The following CDC14B variants were observed in gnomAD, a reference collection of about 807,000 sequenced individuals.
CDC14B encodes cell division cycle 14B.
A neutral mutation model predicts 64.2 loss-of-function variants in CDC14B; 22 were observed. That is an observed-to-expected ratio of 0.34 (90% CI 0.24 to 0.49). CDC14B has a LOEUF of 0.49. CDC14B is among the 20% of genes least tolerant of loss of function. CDC14B has a pLI of 0.99. For synonymous variants in CDC14B, 191 were observed against 215.8 expected (o/e 0.89, Z 1.01); for missense variants, 498 against 629.9 (o/e 0.79, Z 2.24).
chr9:96,499,382 C>T (rs564716657), downstream of CDC14B, among the ~76,000 whole-genome samples: 102 of 152,272 alleles, frequency 6.7e-4, 1 homozygote, highest in Non-Finnish European at 9.0e-4. Flanking sequence ...GGGTCCTGCC[C>T]GGCACCAGAG....
intron 12 of CDC14B, among the ~76,000 whole-genome samples, chr9:96,518,346 C>T (rs553118437): frequency 9.1e-4 from 138 of 152,146 alleles, no homozygotes; most frequent in Non-Finnish European, 1.4e-3. Flanking sequence ...GAAACCCCAT[C>T]TCTACTAAAA....
intron 5 of CDC14B, 30 bp from the exon 6 acceptor site, chr9:96,541,922 CAGTT>C: frequency 6.5e-7 from 1 of 1,539,326 alleles, no homozygotes; most frequent in Non-Finnish European, 8.9e-7. Flanking sequence ...AAATGTAGAT[CAGTT>C]AATTTTCTGC....
intron 11 of CDC14B, 97 bp downstream of exon 11, chr9:96,523,164 T>C: frequency 7.8e-7 from 1 of 1,284,964 alleles, no homozygotes; most frequent in Non-Finnish European, 1.1e-6. Flanking sequence ...ATCCAAGAGC[T>C]GCTTTATTAT....
At chr9:96,522,372 A>G (rs1379227926) in intron 12 of CDC14B, 134 bp downstream of exon 12, 1 of 679,022 alleles carries the variant, frequency 1.5e-6, no homozygotes, top group Non-Finnish European at 2.7e-6. Context: ...TAGGTTTTAA[A>G]TAACATAGGC....
At chr9:96,525,789 T>C (rs767652002) in intron 9 of CDC14B, among the ~76,000 whole-genome samples, 49 of 152,164 alleles carry the variant, frequency 3.2e-4, no homozygotes, top group African/African-American at 1.1e-3. Flanking sequence ...TATACCTGAG[T>C]TGGATGCTAT....
chr9:96,552,822 T>C (rs946045807), intron 4 of CDC14B, among the ~76,000 whole-genome samples: 1 of 151,944 alleles, frequency 6.6e-6, no homozygotes, highest in African/African-American at 2.4e-5. Context: ...GCGGGAGCGG[T>C]GGGAAGGAGA....
rs1018308938 is a variant in CDC14B, at chr9:96,613,097, A to G, written c.160+6122T>C. Among the ~76,000 whole-genome samples the G allele has an allele frequency of 2.0e-5, 3 of 152,226 alleles. No homozygotes were observed. In the South Asian group the frequency reaches 6.2e-4, roughly 31 times the overall value. ...TGGCAACAGTAAAAGTCAGGTAGTC[A>G]TGGCTTTGCCAAAAAGAAACTACAT... On this transcript the variant is annotated intron_variant, in intron 1 of 13. Transcript: ENST00000375241.
chr9:96,525,185 G>C (rs960342884), intron 9 of CDC14B, among the ~76,000 whole-genome samples: 1 of 152,004 alleles, frequency 6.6e-6, no homozygotes, highest in African/African-American at 2.4e-5. Flanking sequence ...GGTGTGGCTG[G>C]ACACTCCCCC....
At chr9:96,524,685 C>T (rs915035042) in intron 9 of CDC14B, among the ~76,000 whole-genome samples, 1 of 152,142 alleles carries the variant, frequency 6.6e-6, no homozygotes, top group Non-Finnish European at 1.5e-5. Flanking sequence ...GCTGAAAAAC[C>T]TGGGCAGAAC....
At chr9:96,618,595 C>T (rs764198595) in intron 1 of CDC14B, 1 of 532,838 alleles carries the variant, frequency 1.9e-6, no homozygotes, top group African/African-American at 1.9e-5. Context: ...TCTCGAGGCC[C>T]CGGCGGGGAG....
intron 1 of CDC14B, among the ~76,000 whole-genome samples, chr9:96,598,448 T>C (rs1172214400): frequency 6.6e-6 from 1 of 152,200 alleles, no homozygotes; most frequent in Non-Finnish European, 1.5e-5. Flanking sequence ...GTCATTCGCC[T>C]GCCTCAGCCT....
At chr9:96,606,276 T>G (rs1846912236) in intron 1 of CDC14B, among the ~76,000 whole-genome samples, 1 of 125,906 alleles carries the variant, frequency 7.9e-6, no homozygotes, top group East Asian at 2.3e-4. Flanking sequence ...GAGGCTGCAG[T>G]GAGCCAAGAT....
chr9:96,611,351 A>G (rs1847310177), intron 1 of CDC14B, among the ~76,000 whole-genome samples: 1 of 152,204 alleles, frequency 6.6e-6, no homozygotes, highest in Admixed American at 6.5e-5. Context: ...AGTTCCTGCG[A>G]ACCAGTCTGT....
intron 9 of CDC14B, among the ~76,000 whole-genome samples, chr9:96,529,977 G>T (rs1397217130): frequency 6.6e-6 from 1 of 152,118 alleles, no homozygotes; most frequent in African/African-American, 2.4e-5. Context: ...GGGCAATACT[G>T]ACATGTTAAC....
intron 1 of CDC14B, among the ~76,000 whole-genome samples, chr9:96,584,284 T>C (rs539207496): frequency 1.7e-4 from 26 of 152,296 alleles, no homozygotes; most frequent in Admixed American, 1.7e-3. Context: ...CTAAACTCCA[T>C]CTACCTCAAG....
intron 13 of CDC14B, among the ~76,000 whole-genome samples, chr9:96,508,325 G>A (rs552769345): frequency 1.3e-5 from 2 of 151,744 alleles, no homozygotes; most frequent in African/African-American, 4.8e-5. Flanking sequence ...CCATACTTCA[G>A]AATTGTTATG....
At chr9:96,564,931 CA>C (rs1843704227) in intron 2 of CDC14B, 79 bp from the exon 3 acceptor site, 4 of 883,414 alleles carry the variant, frequency 4.5e-6, no homozygotes, top group Non-Finnish European at 5.2e-6. Context: ...TCTACAAGAT[CA>C]AATTAAGATA....
At chr9:96,562,611 T>C (rs983506372) in intron 4 of CDC14B, 82 bp downstream of exon 4, 1 of 923,178 alleles carries the variant, frequency 1.1e-6, no homozygotes, top group African/African-American at 1.7e-5. Context: ...GACATTATCT[T>C]GATTTCAAAA....
chr9:96,569,528 A>G (rs1381263482), intron 1 of CDC14B, among the ~76,000 whole-genome samples: 1 of 152,224 alleles, frequency 6.6e-6, no homozygotes, highest in Non-Finnish European at 1.5e-5. Context: ...ACATAATGCC[A>G]ATATTTTATT....
Sources: gnomAD v4.1 joint callset for allele counts (sites outside exome capture counted in the v4.1 genomes callset) on GRCh38, gnomAD v4.1.1 for gene constraint, MANE v1.5 for transcripts, NCBI Gene and HGNC (gene_info 2026-07-23, HGNC 2026-07-21) for gene names.